NRXN3: variants seen among roughly 807,000 people sequenced by gnomAD.
NRXN3 encodes neurexin 3, also known as neurexin III.
NRXN3 carries 32 observed loss-of-function variants against 137.6 expected under a neutral mutation model. The observed-to-expected ratio is 0.23, with a 90% CI of 0.18 to 0.31. NRXN3 has a LOEUF of 0.31. Among genes scored for constraint, NRXN3 ranks in the 10% least tolerant of loss-of-function variants. NRXN3 has a pLI of 1.00. For synonymous variants in NRXN3, 798 were observed against 784.5 expected (o/e 1.02, Z -0.29); for missense variants, 1,574 against 2,062.5 (o/e 0.76, Z 4.59).
intron 17 of NRXN3, among the ~76,000 whole-genome samples, chr14:79,689,766 T>C (rs1254215595): frequency 2.0e-5 from 3 of 152,076 alleles, no homozygotes; most frequent in African/African-American, 4.8e-5. Flanking sequence ...TTTTCTATGG[T>C]GCTTTACGTT....
chr14:79,782,947 C>T (rs896974379), intron 19 of NRXN3, among the ~76,000 whole-genome samples: 1 of 152,082 alleles, frequency 6.6e-6, no homozygotes, highest in Non-Finnish European at 1.5e-5. Flanking sequence ...TTGAAGTGTC[C>T]CCCTTAAATC....
intron 15 of NRXN3, among the ~76,000 whole-genome samples, chr14:79,125,238 C>T (rs1380940374): frequency 2.6e-5 from 4 of 152,250 alleles, no homozygotes; most frequent in East Asian, 1.9e-4. Context: ...ATCCCTGTCA[C>T]GTTCTATCAT....
intron 4 of NRXN3, among the ~76,000 whole-genome samples, chr14:78,393,953 T>G (rs1348656015): frequency 6.6e-6 from 1 of 152,012 alleles, no homozygotes; most frequent in African/African-American, 2.4e-5. Context: ...TTGTGTCCTG[T>G]GACCTTGCTG....
intron 4 of NRXN3, among the ~76,000 whole-genome samples, chr14:78,544,898 T>A (rs2096623829): frequency 6.6e-6 from 1 of 151,952 alleles, no homozygotes; most frequent in Non-Finnish European, 1.5e-5. Context: ...TGGGGAGAGG[T>A]TTGCCCAAGA....
intron 15 of NRXN3, among the ~76,000 whole-genome samples, chr14:79,077,251 G>C (rs775859699): frequency 6.6e-6 from 1 of 152,162 alleles, no homozygotes; most frequent in African/African-American, 2.4e-5. Context: ...CCGAGGAAAC[G>C]TTCTTTCTGC....
intron 4 of NRXN3, among the ~76,000 whole-genome samples, chr14:78,639,803 T>C (rs1444963027): frequency 6.6e-6 from 1 of 152,088 alleles, no homozygotes; most frequent in African/African-American, 2.4e-5. Flanking sequence ...CCGTAGTACC[T>C]TGTATGACCC....
At chr14:79,300,713 C>A (rs1221962049) in intron 15 of NRXN3, among the ~76,000 whole-genome samples, 1 of 147,874 alleles carries the variant, frequency 6.8e-6, no homozygotes, top group Non-Finnish European at 1.5e-5. Flanking sequence ...TTGGTCAAAG[C>A]AAGTCTCAGA....
chr14:78,228,911 C>T (rs1260321390), intron 1 of NRXN3, among the ~76,000 whole-genome samples: 2 of 152,116 alleles, frequency 1.3e-5, no homozygotes, highest in East Asian at 1.9e-4. Context: ...CTGATGGTTC[C>T]CTCATGCTCA....
At chr14:78,233,656 C>T (rs1054628723) in intron 1 of NRXN3, among the ~76,000 whole-genome samples, 6 of 137,698 alleles carry the variant, frequency 4.4e-5, no homozygotes, top group African/African-American at 8.3e-5. Flanking sequence ...ATAGAGAAAC[C>T]GTGGGATCTT....
intron 15 of NRXN3, among the ~76,000 whole-genome samples, chr14:79,315,703 C>A (rs1387912288): frequency 6.6e-6 from 1 of 152,156 alleles, no homozygotes; most frequent in Non-Finnish European, 1.5e-5. Context: ...TCCTCATCTT[C>A]TTTTCCTTTA....
chr14:78,282,632 G>A (rs2074561530), intron 3 of NRXN3, among the ~76,000 whole-genome samples: 2 of 152,162 alleles, frequency 1.3e-5, no homozygotes, highest in South Asian at 2.1e-4. Flanking sequence ...GGAGGCCTCC[G>A]TCTGCTGTTG....
At chr14:78,968,976 G>C (rs1201534989) in intron 14 of NRXN3, among the ~76,000 whole-genome samples, 1 of 152,146 alleles carries the variant, frequency 6.6e-6, no homozygotes, top group Non-Finnish European at 1.5e-5. Flanking sequence ...GCTCTTGTTA[G>C]CTATGTGACA....
At chr14:79,826,126 G>T (rs886243245) in intron 20 of NRXN3, among the ~76,000 whole-genome samples, 1 of 151,994 alleles carries the variant, frequency 6.6e-6, no homozygotes, top group African/African-American at 2.4e-5. Flanking sequence ...CTCCTGAGTA[G>T]CTGAGATTAC....
At chr14:78,705,885 ATC>A (rs1242202620) in intron 6 of NRXN3, among the ~76,000 whole-genome samples, 1 of 152,162 alleles carries the variant, frequency 6.6e-6, no homozygotes, top group Non-Finnish European at 1.5e-5. Flanking sequence ...AAGTCTGGTT[ATC>A]TCTGTCTGGC....
intron 1 of NRXN3, among the ~76,000 whole-genome samples, chr14:78,197,185 A>G (rs2061308273): frequency 6.6e-6 from 1 of 152,228 alleles, no homozygotes; most frequent in Admixed American, 6.5e-5. Flanking sequence ...ATTATCCAGC[A>G]GGCCTCAGCC....
chr14:79,031,860 TTGTC>T (rs1318729787), intron 15 of NRXN3, among the ~76,000 whole-genome samples: 1 of 152,166 alleles, frequency 6.6e-6, no homozygotes, highest in Admixed American at 6.6e-5. Context: ...TTTGTTGTTG[TTGTC>T]TGTTTGTTTA....
At chr14:78,449,504 G>A (rs757131203) in intron 4 of NRXN3, among the ~76,000 whole-genome samples, 18 of 152,140 alleles carry the variant, frequency 1.2e-4, no homozygotes, top group Admixed American at 3.9e-4. Context: ...ATGAGCCACC[G>A]CACCCAGCCT....
chr14:78,456,195 T>G (rs985868290), intron 4 of NRXN3, among the ~76,000 whole-genome samples: 1 of 152,170 alleles, frequency 6.6e-6, no homozygotes. Context: ...CCTACGACAG[T>G]TTTTACTTGT....
chr14:79,259,633 A>G (rs1274685752), intron 15 of NRXN3, among the ~76,000 whole-genome samples: 1 of 148,014 alleles, frequency 6.8e-6, no homozygotes, highest in African/African-American at 2.5e-5. Flanking sequence ...CTATATAGCT[A>G]TATATATAGT....
Sources: gnomAD v4.1 joint callset for allele counts (sites outside exome capture counted in the v4.1 genomes callset) on GRCh38, gnomAD v4.1.1 for gene constraint, MANE v1.5 for transcripts, NCBI Gene and HGNC (gene_info 2026-07-23, HGNC 2026-07-21) for gene names.